TTLL8: variants seen among roughly 807,000 people sequenced by gnomAD.
The protein encoded by TTLL8 is tubulin tyrosine ligase like 8.
TTLL8 carries 65 observed loss-of-function variants against 77.8 expected under a neutral mutation model. That is an observed-to-expected ratio of 0.84 (90% CI 0.68 to 1.03). TTLL8 has a LOEUF of 1.03. TTLL8 is among the 50% of genes least tolerant of loss of function. The pLI, the probability that TTLL8 is intolerant of heterozygous loss-of-function variation, is 0.00. For missense variants in TTLL8, 910 were observed against 1,004.5 expected (o/e 0.91, Z 1.27); for synonymous variants, 402 against 422.8 (o/e 0.95, Z 0.60).
At chr22:50,051,009 C>T (rs1256500413) in intron 1 of TTLL8, among the ~76,000 whole-genome samples, 1 of 152,242 alleles carries the variant, frequency 6.6e-6, no homozygotes, top group Non-Finnish European at 1.5e-5. Flanking sequence ...CATCCTGCTA[C>T]ACCACCAGGC....
chr22:50,052,384 C>A (rs536662868), intron 1 of TTLL8, among the ~76,000 whole-genome samples: 1 of 152,096 alleles, frequency 6.6e-6, no homozygotes, highest in East Asian at 1.9e-4. Context: ...ATAAAAACAG[C>A]GTAAGATTTC....
chr22:50,032,541 C>T (rs2061304403), intron 10 of TTLL8, among the ~76,000 whole-genome samples: 2 of 152,236 alleles, frequency 1.3e-5, no homozygotes, highest in African/African-American at 2.4e-5. Context: ...GGCATGACCG[C>T]AGCCGCTCGC....
intron 12 of TTLL8, among the ~76,000 whole-genome samples, chr22:50,029,595 G>A (rs1347885417): frequency 6.6e-6 from 1 of 152,192 alleles, no homozygotes; most frequent in South Asian, 2.1e-4. Flanking sequence ...GCCGGGCGCG[G>A]TGGCGGGCGC....
intron 3 of TTLL8, among the ~76,000 whole-genome samples, chr22:50,047,863 C>T (rs1266643772): frequency 6.6e-6 from 1 of 152,130 alleles, no homozygotes. Context: ...TTTGGGAGGC[C>T]AAGGCAGGCA....
Position 50,045,491 on chromosome 22 carries a change from C to T in TTLL8, c.509-102G>A, listed in dbSNP as rs563088656. 1.1e-5 allele frequency: 12 copies of T among 1,054,532 alleles called. No individual in the cohort carries two copies. The South Asian group carries it at 1.5e-4, about 13-fold the overall frequency. The allele number at this position is 1,054,532 out of a possible 1,614,324, so 65.3% of individuals were successfully genotyped here. A position where few individuals can be genotyped will look rare whatever the true frequency, so the allele number is the denominator to read the frequency against. ...GCTCCCCAACCCGCCCCACTTCCCGCCCTCATAGCCGATGGGGCCCAGGCC... is the reference window on the plus strand; with the variant it reads ...GCTCCCCAACCCGCCCCACTTCCCGTCCTCATAGCCGATGGGGCCCAGGCC... On this transcript the variant is annotated intron_variant, in intron 5 of 13. Coordinates refer to ENST00000266182, the Ensembl canonical transcript of TTLL8.
Position 50,044,330 on chromosome 22 carries a change from A to C in TTLL8, c.643+925T>G, listed in dbSNP as rs1466310239. Among the ~76,000 whole-genome samples, 1 of 152,014 alleles carries C rather than the reference A, an allele frequency of 6.6e-6. No individual in the cohort carries two copies. Among genetic ancestry groups the C allele is most frequent in the Admixed American group, 6.6e-5 (1 of 15,262 alleles). ...AAGACTCCATCTCAAAAAAAAAAAAACATTAATTAGGAGGCCATCAGATGA... is the reference window on the plus strand; with the variant it reads ...AAGACTCCATCTCAAAAAAAAAAAACCATTAATTAGGAGGCCATCAGATGA... On this transcript the variant is annotated intron_variant, in intron 6 of 13. Coordinates refer to ENST00000266182, the Ensembl canonical transcript of TTLL8. This position sits in a 1 kb window ranked among gnomAD's most constrained non-coding sequence, Gnocchi z 4.2.
At chr22:50,037,075 G>T (rs73447939) in intron 8 of TTLL8, among the ~76,000 whole-genome samples, 1 of 152,302 alleles carries the variant, frequency 6.6e-6, no homozygotes, top group Admixed American at 6.5e-5. Context: ...GGGCCATTGG[G>T]TATGTAGATG....
At chr22:50,055,511 G>A (rs1348740828), upstream of TTLL8, among the ~76,000 whole-genome samples, 2 of 151,888 alleles carry the variant, frequency 1.3e-5, no homozygotes, top group East Asian at 1.9e-4. Flanking sequence ...AAAATTAGCC[G>A]GGTGATGGTA....
At chr22:50,056,660 G>T (rs572289797), upstream of TTLL8, 4 of 697,690 alleles carry the variant, frequency 5.7e-6, no homozygotes, top group African/African-American at 1.9e-5. This position sits in a 1 kb window ranked among gnomAD's most constrained non-coding sequence, Gnocchi z 4.1. Flanking sequence ...CAGTGGGATC[G>T]GGGTACAGGA....
chr22:50,052,383 G>A (rs1302787612), intron 1 of TTLL8, among the ~76,000 whole-genome samples: 1 of 152,170 alleles, frequency 6.6e-6, no homozygotes, highest in Non-Finnish European at 1.5e-5. Flanking sequence ...AATAAAAACA[G>A]CGTAAGATTT....
At chr22:50,027,722 T>A in intron 12 of TTLL8, 3 of 985,408 alleles carry the variant, frequency 3.0e-6, no homozygotes, top group Non-Finnish European at 3.6e-6. Context: ...GCACAGGCTC[T>A]GAGAGCAACG....
chr22:50,045,756 C>A (rs749629078), intron 5 of TTLL8, 100 bp downstream of exon 7: 92 of 1,245,050 alleles, frequency 7.4e-5, no homozygotes, highest in Non-Finnish European at 9.0e-5. Flanking sequence ...GGTCCTCTAT[C>A]CTCAGACCCT....
At position 50,044,719 on chromosome 22, in the gene TTLL8, T is replaced by C. The variant is rs753746799; in HGVS notation, c.643+536A>G. On this transcript the variant is annotated intron_variant, in intron 6 of 13. Transcript: ENST00000266182. This position sits in a 1 kb window ranked among gnomAD's most constrained non-coding sequence, Gnocchi z 4.2. The stretch of plus-strand genomic sequence containing the variant: ...CGCGGGGGCAGGAGAGTGTGGTAAA[T>C]CTTGTACCCTCTGCTCAGCTGTGCT... 1.2e-4 allele frequency among the ~76,000 whole-genome samples: 19 copies of C among 152,102 alleles called. No individual in the cohort carries two copies. The highest frequency in any genetic ancestry group is 2.2e-4 in the Non-Finnish European group (15 of 68,008).
exon 10 of TTLL8, chr22:50,033,375 G>T (rs749190644): frequency 7.3e-7 from 1 of 1,365,310 alleles, no homozygotes; most frequent in Non-Finnish European, 9.8e-7. Context: ...CCCACTTGTT[G>T]TCCCTGGAAA....
intron 8 of TTLL8, among the ~76,000 whole-genome samples, chr22:50,040,933 G>A (rs2061366502): frequency 6.6e-6 from 1 of 152,174 alleles, no homozygotes; most frequent in African/African-American, 2.4e-5. Flanking sequence ...CTCAGCAGGG[G>A]GCAAGAAGGC....
intron 1 of TTLL8, among the ~76,000 whole-genome samples, chr22:50,053,037 C>T (rs1034666509): frequency 2.0e-5 from 3 of 152,294 alleles, no homozygotes; most frequent in African/African-American, 7.2e-5. Flanking sequence ...GCCTGGCCAA[C>T]ATGGTGAAAC....
chr22:50,052,270 A>C (rs1327459004), intron 1 of TTLL8, among the ~76,000 whole-genome samples: 1 of 152,208 alleles, frequency 6.6e-6, no homozygotes, highest in Non-Finnish European at 1.5e-5. Context: ...CCGACTCCAC[A>C]AGACACTCTG....
chr22:50,041,342 G>A lies in TTLL8; in HGVS notation c.831-65C>T. On this transcript the variant is annotated intron_variant, in intron 7 of 13. Coordinates refer to ENST00000266182, the Ensembl canonical transcript of TTLL8. The surrounding 1 kb of genome is among the most constrained non-coding windows in gnomAD (Gnocchi z 4.3). ...GGTGGGACAGGCAACAGAGGGCCTG[G>A]GCACCCCGACACCCATAAGGCACCC... 2 of 550,442 alleles carry A rather than the reference G, an allele frequency of 3.6e-6. No homozygotes were observed. The highest frequency in any genetic ancestry group is 3.1e-5 in the South Asian group (2 of 64,924). The allele number at this position is 550,442 out of a possible 1,614,324, so 34.1% of individuals were successfully genotyped here. A position where few individuals can be genotyped will look rare whatever the true frequency, so the allele number is the denominator to read the frequency against.
intron 12 of TTLL8, among the ~76,000 whole-genome samples, chr22:50,022,427 C>T (rs1483376103): frequency 6.8e-6 from 1 of 147,978 alleles, no homozygotes; most frequent in Non-Finnish European, 1.5e-5. Flanking sequence ...CTCCATCTGA[C>T]AATGTGTACT....
Sources: allele counts gnomAD v4.1 joint callset (sites outside exome capture counted in the v4.1 genomes callset), GRCh38; gene constraint gnomAD v4.1.1; non-coding constraint Gnocchi (gnomAD v3.1); transcripts MANE v1.5; gene names NCBI Gene and HGNC (gene_info 2026-07-23, HGNC 2026-07-21).